Variants in PBXIP1 observed in about 807,000 individuals in gnomAD.
PBXIP1 encodes the protein pre-B-cell leukemia transcription factor-interacting protein 1.
In PBXIP1, 73 loss-of-function variants were observed where a neutral mutation model predicts 73.7. The ratio of observed to expected loss-of-function variants is 0.99; its 90% CI spans 0.82 to 1.20. The LOEUF (loss-of-function observed/expected upper bound fraction) is 1.20, where lower values mean the gene tolerates loss of function less well. PBXIP1 is among the 50% of genes most tolerant of loss of function. PBXIP1 has a pLI of 0.00. For missense variants in PBXIP1, 818 were observed against 911.4 expected, an observed-to-expected ratio of 0.90 and a Z score of 1.32; for synonymous variants, 330 against 366.9, an observed-to-expected ratio of 0.90 and a Z score of 1.15.
At position 154,944,661 on chromosome 1, in the gene PBXIP1, C is replaced by T. The variant is rs529982203; in HGVS notation, c.*363G>A. The T allele has an allele frequency of 2.7e-5, 5 of 183,232 alleles. No homozygotes were observed. The East Asian group carries it at 7.1e-4, about 26-fold the overall frequency. 11.4% of individuals were successfully genotyped at this position (183,232 alleles called of 1,614,324 possible). A position where few individuals can be genotyped will look rare whatever the true frequency, so the allele number is the denominator to read the frequency against. Reference sequence around the variant, plus strand: ...ACCGGTCAGCATGTGGGTCAAGGGGCCCACTATGGGGACATACACTCAAGA... The same window carrying T: ...ACCGGTCAGCATGTGGGTCAAGGGGTCCACTATGGGGACATACACTCAAGA... On this transcript the variant is annotated 3_prime_UTR_variant, in exon 11 of 11. Transcript: ENST00000368463.
chr1:154,946,498 CTG>C lies in PBXIP1; in HGVS notation c.1174_1175del (p.Gln392GlyfsTer39), dbSNP rs1654827695. The stretch of plus-strand genomic sequence containing the variant: ...GCCTCTCTAACTCTTGCCTTAATGC[CTG>C]TGCCTCAGCCTCCAGCTGTTCCTTC... ...KQKEQLEAEA[Q>X]ALRQELERQR... On this transcript the variant is annotated frameshift_variant, in exon 10 of 11. Coordinates refer to ENST00000368463, the MANE Select transcript of PBXIP1 (RefSeq NM_020524.4). LOFTEE classifies it high-confidence loss of function. 3 of 1,609,676 alleles carry C rather than the reference CTG, an allele frequency of 1.9e-6. No homozygotes were observed. In the African/African-American group the frequency reaches 4.0e-5, roughly 21 times the overall value.
chr1:154,951,954 C>T lies in PBXIP1; in HGVS notation c.52-33G>A. On this transcript the variant is annotated intron_variant, in intron 2 of 10. Coordinates refer to ENST00000368463, the MANE Select transcript of PBXIP1 (RefSeq NM_020524.4). This position sits in a 1 kb window ranked among gnomAD's most constrained non-coding sequence, Gnocchi z 4.3. Reference sequence around the variant, plus strand: ...GAGAAGTGCAAGGAGAAGGGCTGCACCCAAGAATGGGGCCCCAGCCCACAT... The same window carrying T: ...GAGAAGTGCAAGGAGAAGGGCTGCATCCAAGAATGGGGCCCCAGCCCACAT... 6.3e-7 allele frequency: 1 copy of T among 1,580,432 alleles called. No individual in the cohort carries two copies. The highest frequency in any genetic ancestry group is 1.4e-5 in the African/African-American group (1 of 72,774).
intron 1 of PBXIP1, among the ~76,000 whole-genome samples, chr1:154,955,475 C>T (rs1026184786): frequency 1.3e-5 from 2 of 152,186 alleles, no homozygotes; most frequent in African/African-American, 4.8e-5. Flanking sequence ...ATAGGAGACA[C>T]TCTGAAACTC....
At chr1:154,946,911 C>A in intron 9 of PBXIP1, 108 bp from the exon 10 acceptor site, 1 of 1,092,826 alleles carries the variant, frequency 9.2e-7, no homozygotes, top group Middle Eastern at 3.2e-4. Flanking sequence ...TGGCCTGAGC[C>A]CGTTTTACAG....
Position 154,947,654 on chromosome 1 carries a change from C to T in PBXIP1, c.726G>A (p.Val242=). 1 of 1,614,000 alleles carries T rather than the reference C, an allele frequency of 6.2e-7. No homozygotes were observed. The highest frequency in any genetic ancestry group is 8.5e-7 in the Non-Finnish European group (1 of 1,179,988). Residue 242 remains valine, a synonymous_variant, in exon 8 of 11, where the codon GTG becomes GTA. Coordinates refer to ENST00000368463, the MANE Select transcript of PBXIP1 (RefSeq NM_020524.4). ...CATTCACACATACCTGCCTGTCCCC[C>T]ACAGCTTCCAGCACCTCGGGGTCTG... ...VLPDPEVLEA[V]GDRQDGLREQ... is the part of the protein sequence containing the mutation.
At chr1:154,945,217 C>T (rs562502302) in intron 10 of PBXIP1, 100 bp from the exon 11 acceptor site, 10 of 818,556 alleles carry the variant, frequency 1.2e-5, no homozygotes, top group African/African-American at 5.1e-5. Flanking sequence ...CTGACTTGAG[C>T]AGGCACCACC....
chr1:154,950,119 G>A (rs149444349), intron 5 of PBXIP1: 10,096 of 178,060 alleles, frequency 0.057, 1,092 homozygotes, highest in African/African-American at 0.23. Context: ...AGGTTCAAGC[G>A]ATTCTCCTGC....
chr1:154,947,668 C>A lies in PBXIP1; in HGVS notation c.712G>T (p.Val238Leu). Residue 238 changes from valine (V) to leucine (L), a missense_variant, in exon 8 of 11, where the codon GTG becomes TTG. Physicochemically the swap from Val to Leu is conservative, Grantham distance 32 (BLOSUM62 1). Coordinates refer to ENST00000368463, the MANE Select transcript of PBXIP1 (RefSeq NM_020524.4). ...VERQVLPDPEVLEAVGDRQDG... is the reference protein window; with the variant it reads ...VERQVLPDPELLEAVGDRQDG... ...TGCCTGTCCCCCACAGCTTCCAGCA[C>A]CTCGGGGTCTGGGAGGACCTGCCGC... 4 of 1,613,980 alleles carry A rather than the reference C, an allele frequency of 2.5e-6. No individual in the cohort carries two copies. The highest frequency in any genetic ancestry group is 3.4e-6 in the Non-Finnish European group (4 of 1,179,988).
chr1:154,951,274 C>G lies in PBXIP1; in HGVS notation c.367G>C (p.Gly123Arg). The G allele has an allele frequency of 6.2e-7, 1 of 1,614,168 alleles. No homozygotes were observed. The highest frequency in any genetic ancestry group is 2.2e-5 in the East Asian group (1 of 44,882). ...GLGPDTQDLEGQSPPQSLPST... is the reference protein window; with the variant it reads ...GLGPDTQDLERQSPPQSLPST... ...GGCAGGCTCTGTGGAGGGCTCTGGC[C>G]TTCCAGGTCCTGTGTGTCTGGTCCC... is the stretch of plus-strand genomic sequence containing the variant. The change falls in exon 5 of 11, where the codon GGC becomes CGC. Residue 123 changes from glycine (G) to arginine (R), a missense_variant. By Grantham distance (125) the Gly-to-Arg change is moderately radical. Coordinates refer to ENST00000368463, the MANE Select transcript of PBXIP1 (RefSeq NM_020524.4). This position sits in a 1 kb window ranked among gnomAD's most constrained non-coding sequence, Gnocchi z 4.3.
chr1:154,945,213 T>A (rs1261970077), intron 10 of PBXIP1, 96 bp from the exon 11 acceptor site: 10 of 903,900 alleles, frequency 1.1e-5, no homozygotes. Flanking sequence ...GAAGCTGACT[T>A]GAGCAGGCAC....
At chr1:154,955,012 T>C (rs893279571) in intron 1 of PBXIP1, 1 of 976,118 alleles carries the variant, frequency 1.0e-6, no homozygotes, top group African/African-American at 1.8e-5. Context: ...TCCTGCGTGG[T>C]GCCCTAAGTA....
Position 154,948,194 on chromosome 1 carries a change from G to A in PBXIP1, c.582C>T (p.Ser194=), listed in dbSNP as rs1654892632. 1 of 1,608,752 alleles carries A rather than the reference G, an allele frequency of 6.2e-7. No homozygotes were observed. The change falls in exon 6 of 11, where the codon TCC becomes TCT. Residue 194 remains serine, a synonymous_variant. Transcript: ENST00000368463. Reference sequence around the variant, plus strand: ...GGGCCCCAAGGAGGCACATGTTGAGGGAGATGCCCAGCTCCCCGCCTGCAC... The same window carrying A: ...GGGCCCCAAGGAGGCACATGTTGAGAGAGATGCCCAGCTCCCCGCCTGCAC... ...GEGAGGELGI[S]LNMCLLGALV...
Position 154,951,216 on chromosome 1 carries a change from C to A in PBXIP1, c.409+16G>T. On this transcript the variant is annotated intron_variant, in intron 5 of 10. Coordinates refer to ENST00000368463, the MANE Select transcript of PBXIP1 (RefSeq NM_020524.4). This position sits in a 1 kb window ranked among gnomAD's most constrained non-coding sequence, Gnocchi z 4.3. ...TCTAGAAGGAGAGTGACAGGAGAGG[C>A]AAGGAAGACTCTCACCTGCTTTGGG... 1 of 1,610,958 alleles carries A rather than the reference C, an allele frequency of 6.2e-7. No individual in the cohort carries two copies. Among genetic ancestry groups the A allele is most frequent in the Non-Finnish European group, 8.5e-7 (1 of 1,177,830 alleles).
chr1:154,945,989 T>C lies in PBXIP1; in HGVS notation c.1685A>G (p.Glu562Gly), dbSNP rs1211336747. The change falls in exon 10 of 11, where the codon GAA becomes GGA. Residue 562 changes from glutamate to glycine, a missense_variant. Transcript: ENST00000368463. Reference protein sequence around the residue: ...GEKQKQPRWREGTKDSHDPLP... With the variant: ...GEKQKQPRWRGGTKDSHDPLP... ...GGGGTCATGGCTGTCCTTAGTCCCT[T>C]CCCTCCACCGAGGTTGCTTCTGCTT... is the stretch of plus-strand genomic sequence containing the variant. 1.2e-6 allele frequency: 2 copies of C among 1,613,928 alleles called. No homozygotes were observed. The highest frequency in any genetic ancestry group is 1.7e-6 in the Non-Finnish European group (2 of 1,179,898).
rs770588598 is a variant in PBXIP1 at position 154,951,329 on chromosome 1, G to C, written c.312C>G (p.Asp104Glu). The change falls in exon 5 of 11, where the codon GAC (aspartate) becomes GAG (glutamate). Residue 104 changes from aspartate to glutamate, a missense_variant. By Grantham distance (45) the Asp-to-Glu change is conservative (BLOSUM62 2). Transcript: ENST00000368463. The surrounding 1 kb of genome is among the most constrained non-coding windows in gnomAD (Gnocchi z 4.3). ...PGPGDTVVQGDLQETTVVTGL... is the reference protein window; with the variant it reads ...PGPGDTVVQGELQETTVVTGL... ...CTGTCACCACGGTGGTCTCCTGCAG[G>C]TCTCCCTGGACTACTGTGTCTCCTG... 7 of 1,614,006 alleles carry C rather than the reference G, an allele frequency of 4.3e-6. No individual in the cohort carries two copies. The highest frequency in any genetic ancestry group is 5.9e-6 in the Non-Finnish European group (7 of 1,179,928).
Position 154,951,619 on chromosome 1 carries a change from AC to A in PBXIP1, c.179-85del. 3.4e-6 allele frequency: 5 copies of A among 1,476,824 alleles called. No individual in the cohort carries two copies. Among genetic ancestry groups the A allele is most frequent in the Non-Finnish European group, 4.7e-6 (5 of 1,057,002 alleles). The allele number at this position is 1,476,824 out of a possible 1,614,324, so 91.5% of individuals were successfully genotyped here. On this transcript the variant is annotated intron_variant, in intron 3 of 10. Coordinates refer to ENST00000368463, the MANE Select transcript of PBXIP1 (RefSeq NM_020524.4). The surrounding 1 kb of genome is among the most constrained non-coding windows in gnomAD (Gnocchi z 4.3). The stretch of plus-strand genomic sequence containing the variant: ...CCCTCTGTCCATCCCACGGGCCCCT[AC>A]CAGGTTGGAAGAGGCAGGAAAAAGC...
chr1:154,953,645 A>C, intron 2 of PBXIP1, 26 bp downstream of exon 2: 29 of 1,489,500 alleles, frequency 1.9e-5, no homozygotes, highest in Non-Finnish European at 2.3e-5. Context: ...CCCCACCCCC[A>C]TGGTTCCCAG....
chr1:154,946,118 T>C lies in PBXIP1; in HGVS notation c.1556A>G (p.Glu519Gly). The change falls in exon 10 of 11, where the codon GAG becomes GGG. Residue 519 changes from glutamate to glycine, a missense_variant. Coordinates refer to ENST00000368463, the MANE Select transcript of PBXIP1 (RefSeq NM_020524.4). ...EDREPAGRWK[E>G]GRPRVEESGS... is the part of the protein sequence containing the mutation. Reference sequence around the variant, plus strand: ...CGACTCCTCCACCCTTGGCCTGCCCTCCTTCCACCTTCCTGCTGGCTCCCT... The same window carrying C: ...CGACTCCTCCACCCTTGGCCTGCCCCCCTTCCACCTTCCTGCTGGCTCCCT... 2 of 1,614,126 alleles carry C rather than the reference T, an allele frequency of 1.2e-6. No homozygotes were observed. The highest frequency in any genetic ancestry group is 1.7e-6 in the Non-Finnish European group (2 of 1,180,004).
chr1:154,948,587 T>C (rs1229322011), intron 5 of PBXIP1, among the ~76,000 whole-genome samples: 1 of 152,154 alleles, frequency 6.6e-6, no homozygotes, highest in African/African-American at 2.4e-5. Flanking sequence ...ATCTACGAGC[T>C]ATAAAAGCCA....
Sources: allele counts gnomAD v4.1 joint callset (sites outside exome capture counted in the v4.1 genomes callset), GRCh38; gene constraint gnomAD v4.1.1; non-coding constraint Gnocchi (gnomAD v3.1); transcripts MANE v1.5; gene names NCBI Gene and HGNC (gene_info 2026-07-23, HGNC 2026-07-21).